NEGR1: variants seen among roughly 807,000 people sequenced by gnomAD.
NEGR1 encodes IgLON family member 4.
Under a neutral mutation model 40.9 loss-of-function variants are expected in NEGR1, and 10 were observed. The ratio of observed to expected loss-of-function variants is 0.24; its 90% CI spans 0.15 to 0.42. The LOEUF is 0.42. NEGR1 is among the 10% of genes least tolerant of loss of function. The probability of loss-of-function intolerance (pLI) is 1.00; values close to 1 mark genes in which losing one functional copy is unlikely to be tolerated. For missense variants in NEGR1, 352 were observed against 438.9 expected (o/e 0.80, Z 1.77); for synonymous variants, 185 against 166.8 (o/e 1.11, Z -0.84).
At chr1:71,847,197 T>A (rs1022945745) in intron 2 of NEGR1, among the ~76,000 whole-genome samples, 5 of 152,188 alleles carry the variant, frequency 3.3e-5, no homozygotes, top group Non-Finnish European at 7.4e-5. Context: ...TTTCATCCCC[T>A]CTGCTGTGTT....
rs558595073 is a variant in NEGR1 at position 72,057,053 on chromosome 1, G to A, written c.177-121742C>T. Among the ~76,000 whole-genome samples, 6 of 151,656 alleles carry A rather than the reference G, an allele frequency of 4.0e-5. No individual in the cohort carries two copies. The South Asian group carries it at 1.0e-3, about 26-fold the overall frequency. On this transcript the variant is annotated intron_variant, in intron 1 of 6. Coordinates refer to ENST00000357731, the MANE Select transcript of NEGR1 (RefSeq NM_173808.3). ...TTCAGCTGTTTTCTCTGTTTTAGAA[G>A]CTCTTTCTTTCCCACAACTGCTGAG...
chr1:72,007,383 T>TA lies in NEGR1; in HGVS notation c.177-72073dup, dbSNP rs879491116. ...CTGAAAAATACATATATGAAAGAAT[T>TA]AAAAAAAAAAAAAAGGAAGACATTT... On this transcript the variant is annotated intron_variant, in intron 1 of 6. Coordinates refer to ENST00000357731, the MANE Select transcript of NEGR1 (RefSeq NM_173808.3). Among the ~76,000 whole-genome samples, 739 of 139,114 alleles carry TA rather than the reference T, an allele frequency of 5.3e-3. 2 individuals carry two copies. The highest frequency in any genetic ancestry group is 0.015 in the African/African-American group (562 of 38,170). The allele number at this position is 139,114 out of a possible 152,430, so 91.3% of individuals were successfully genotyped here.
chr1:71,871,574 C>A (rs1660280050), intron 2 of NEGR1, among the ~76,000 whole-genome samples: 1 of 152,118 alleles, frequency 6.6e-6, no homozygotes. Flanking sequence ...TCCTATACAC[C>A]TTGTACATTT....
At chr1:71,508,384 G>C (rs999093046) in intron 6 of NEGR1, among the ~76,000 whole-genome samples, 2 of 152,116 alleles carry the variant, frequency 1.3e-5, no homozygotes, top group Admixed American at 1.3e-4. Context: ...AACCCCTAAA[G>C]TTAACTTTGA....
chr1:71,902,628 C>T (rs1661172012), intron 2 of NEGR1, among the ~76,000 whole-genome samples: 1 of 152,076 alleles, frequency 6.6e-6, no homozygotes, highest in Non-Finnish European at 1.5e-5. Flanking sequence ...CACCTTTTAA[C>T]CCATTATTTT....
At position 72,264,578 on chromosome 1, in the gene NEGR1, GAT is replaced by G. The variant is rs550879070; in HGVS notation, c.176+17739_176+17740del. On this transcript the variant is annotated intron_variant, in intron 1 of 6. Transcript: ENST00000357731. ...AACAATAAAGTCATATTTCTTTGTT[GAT>G]ATCTTATGCTACAATGTCTTCTATT... Among the ~76,000 whole-genome samples, 19 of 150,450 alleles carry G rather than the reference GAT, an allele frequency of 1.3e-4. 1 individual carries two copies. In the South Asian group the frequency reaches 3.7e-3, roughly 30 times the overall value.
chr1:72,266,526 T>A (rs1655645177), intron 1 of NEGR1, among the ~76,000 whole-genome samples: 1 of 150,966 alleles, frequency 6.6e-6, no homozygotes, highest in Non-Finnish European at 1.5e-5. Flanking sequence ...AAGTCTTTTA[T>A]AAAATATGTA....
chr1:71,812,353 A>G lies in NEGR1; in HGVS notation c.410-36056T>C, dbSNP rs142315335. Among the ~76,000 whole-genome samples, 22 of 152,264 alleles carry G rather than the reference A, an allele frequency of 1.4e-4. No individual in the cohort carries two copies. In the East Asian group the frequency reaches 4.1e-3, roughly 28 times the overall value. ...TGCTATTATGAATAGTGCTGCAATG[A>G]GCATAAATGTGCATGTATCTTTATA... On this transcript the variant is annotated intron_variant, in intron 2 of 6. Transcript: ENST00000357731.
intron 4 of NEGR1, among the ~76,000 whole-genome samples, chr1:71,679,635 A>G (rs1365114831): frequency 6.6e-6 from 1 of 152,064 alleles, no homozygotes; most frequent in Non-Finnish European, 1.5e-5. Context: ...CATAGAGGCA[A>G]TTTGGCAGCT....
intron 1 of NEGR1, among the ~76,000 whole-genome samples, chr1:71,992,093 G>C (rs537679211): frequency 2.0e-5 from 3 of 151,892 alleles, no homozygotes; most frequent in South Asian, 4.2e-4. Context: ...CTGTGCCCGG[G>C]CATGAGTTTA....
intron 1 of NEGR1, among the ~76,000 whole-genome samples, chr1:71,960,888 C>T (rs1553125443): frequency 2.0e-5 from 3 of 151,974 alleles, no homozygotes; most frequent in Non-Finnish European, 4.4e-5. Context: ...AAAATGTCTC[C>T]ACTGAGACAA....
chr1:71,481,443 G>C (rs2101372423), intron 6 of NEGR1, among the ~76,000 whole-genome samples: 1 of 151,860 alleles, frequency 6.6e-6, no homozygotes, highest in African/African-American at 2.4e-5. Flanking sequence ...CACATATATT[G>C]AGTATATATA....
chr1:71,830,675 G>A (rs947648177), intron 2 of NEGR1, among the ~76,000 whole-genome samples: 7 of 151,898 alleles, frequency 4.6e-5, no homozygotes, highest in African/African-American at 1.2e-4. Flanking sequence ...GAATAAACAG[G>A]TAGGTCTGAA....
intron 2 of NEGR1, among the ~76,000 whole-genome samples, chr1:71,800,252 T>C (rs566980398): frequency 6.6e-6 from 1 of 152,336 alleles, no homozygotes; most frequent in African/African-American, 2.4e-5. Context: ...TATTAGCCCT[T>C]TGTCAGATGG....
At chr1:71,796,317 T>C (rs1657323355) in intron 2 of NEGR1, among the ~76,000 whole-genome samples, 2 of 152,098 alleles carry the variant, frequency 1.3e-5, no homozygotes, top group Non-Finnish European at 2.9e-5. Context: ...ACCAGGTGTG[T>C]TTGAGAAAAA....
chr1:71,918,100 C>CCA (rs1444319836), intron 2 of NEGR1, among the ~76,000 whole-genome samples: 1 of 148,086 alleles, frequency 6.8e-6, no homozygotes, highest in Non-Finnish European at 1.5e-5. Context: ...GCCTGTAGTC[C>CCA]CAGCTACTCG....
chr1:71,564,475 T>C (rs1648556594), intron 6 of NEGR1, among the ~76,000 whole-genome samples: 1 of 152,044 alleles, frequency 6.6e-6, no homozygotes, highest in Non-Finnish European at 1.5e-5. Context: ...GAACAAAAAA[T>C]AAAAGCTCTG....
intron 1 of NEGR1, among the ~76,000 whole-genome samples, chr1:71,986,818 T>G (rs542931584): frequency 6.6e-6 from 1 of 152,324 alleles, no homozygotes; most frequent in South Asian, 2.1e-4. Context: ...CTAGCAATTC[T>G]CCTGTCAGAG....
intron 2 of NEGR1, among the ~76,000 whole-genome samples, chr1:71,794,895 A>T (rs1657264072): frequency 6.6e-6 from 1 of 152,070 alleles, no homozygotes; most frequent in African/African-American, 2.4e-5. Flanking sequence ...TCAAAATGTT[A>T]AAAAAGGTCT....
Sources: gnomAD v4.1 joint callset for allele counts (sites outside exome capture counted in the v4.1 genomes callset) on GRCh38, gnomAD v4.1.1 for gene constraint, MANE v1.5 for transcripts, NCBI Gene and HGNC (gene_info 2026-07-23, HGNC 2026-07-21) for gene names.